The following OSBPL9 variants were observed in gnomAD, a reference collection of about 807,000 sequenced individuals.
The protein encoded by OSBPL9 is oxysterol binding protein like 9.
Under a neutral mutation model 106.6 loss-of-function variants are expected in OSBPL9, and 40 were observed. That is an observed-to-expected ratio of 0.38 (90% CI 0.29 to 0.49). OSBPL9 has a LOEUF of 0.49. Ranked by LOEUF, OSBPL9 falls within the 20% of genes least tolerant of loss-of-function variation. OSBPL9 has a pLI of 0.97. For synonymous variants in OSBPL9, 269 were observed against 295.4 expected (o/e 0.91, Z 0.92); for missense variants, 609 against 887.2 (o/e 0.69, Z 3.98).
At chr1:51,620,991 A>G (rs1196346930) in intron 1 of OSBPL9, among the ~76,000 whole-genome samples, 3 of 152,188 alleles carry the variant, frequency 2.0e-5, no homozygotes, top group Non-Finnish European at 4.4e-5. Flanking sequence ...GCCTCCCAGA[A>G]TGTTAGGATT....
At chr1:51,611,272 A>T (rs952794534) in intron 2 of OSBPL9, among the ~76,000 whole-genome samples, 3 of 151,896 alleles carry the variant, frequency 2.0e-5, no homozygotes, top group African/African-American at 4.8e-5. Flanking sequence ...GACTGTGAAC[A>T]AAACAGGCTA....
intron 3 of OSBPL9, among the ~76,000 whole-genome samples, chr1:51,681,999 C>T (rs993386277): frequency 1.1e-4 from 16 of 151,832 alleles, no homozygotes; most frequent in African/African-American, 3.9e-4. Context: ...GTCAGGAGTT[C>T]GAAACCAGCC....
chr1:51,670,664 CTG>C (rs1473501812), intron 3 of OSBPL9, among the ~76,000 whole-genome samples: 12 of 152,166 alleles, frequency 7.9e-5, no homozygotes, highest in African/African-American at 2.7e-4. Context: ...AAAATATTTA[CTG>C]TGTTTGATGA....
chr1:51,716,493 T>C (rs1212799053), intron 4 of OSBPL9, among the ~76,000 whole-genome samples: 1 of 152,210 alleles, frequency 6.6e-6, no homozygotes, highest in Non-Finnish European at 1.5e-5. Flanking sequence ...AAACTAATAT[T>C]GGATGAGAAC....
intron 2 of OSBPL9, among the ~76,000 whole-genome samples, chr1:51,605,757 C>T (rs998799509): frequency 4.6e-5 from 7 of 151,952 alleles, no homozygotes; most frequent in East Asian, 1.9e-4. Context: ...CTGAGGTGGA[C>T]GGATCACAAG....
chr1:51,535,309 T>C, the OSBPL9 span, among the ~76,000 whole-genome samples: 6 of 152,152 alleles, frequency 3.9e-5, no homozygotes, highest in Non-Finnish European at 7.4e-5. Context: ...ACAAAGGGCC[T>C]GAGGTGGAAA....
chr1:51,593,220 GAAAT>G (rs1400461013), intron 1 of OSBPL9, among the ~76,000 whole-genome samples: 1 of 152,038 alleles, frequency 6.6e-6, no homozygotes, highest in Non-Finnish European at 1.5e-5. Flanking sequence ...GAAATAAATG[GAAAT>G]AAATAAATAG....
intron 3 of OSBPL9, among the ~76,000 whole-genome samples, chr1:51,675,056 C>T (rs1650844099): frequency 6.6e-6 from 1 of 152,188 alleles, no homozygotes; most frequent in Admixed American, 6.5e-5. Context: ...GATAGCCAAA[C>T]CCTATAGCCT....
rs181764240 is a variant in OSBPL9, at chr1:51,755,299, A to G, written c.544-1021A>G. ...CAATGGTTTTTGTTATATTTACAAA[A>G]TTGTACAGCCATCACCATAATCTAA... On this transcript the variant is annotated intron_variant, in intron 8 of 23. Transcript: ENST00000428468. Among the ~76,000 whole-genome samples, 103 of 152,328 alleles carry G rather than the reference A, an allele frequency of 6.8e-4. 1 individual carries two copies. The highest frequency in any genetic ancestry group is 1.0e-4 in the Non-Finnish European group (7 of 68,034).
chr1:51,607,746 A>G (rs778030230), intron 2 of OSBPL9, among the ~76,000 whole-genome samples: 20 of 152,232 alleles, frequency 1.3e-4, no homozygotes, highest in Admixed American at 2.6e-4. Flanking sequence ...AGCAAGCTCA[A>G]TTCTCACCTC....
At chr1:51,773,941 C>CGTTGTTGTTGTT (rs3835387) in intron 14 of OSBPL9, among the ~76,000 whole-genome samples, 64 of 149,084 alleles carry the variant, frequency 4.3e-4, no homozygotes, top group African/African-American at 1.5e-3. Context: ...CAGCTGCTGG[C>CGTTGTTGTTGTT]GTTGTTGTTG....
chr1:51,687,875 G>A (rs1372914181), intron 3 of OSBPL9, among the ~76,000 whole-genome samples: 1 of 152,236 alleles, frequency 6.6e-6, no homozygotes, highest in African/African-American at 2.4e-5. Context: ...GGAACACTAG[G>A]AACCAGAGTG....
intron 4 of OSBPL9, chr1:51,730,098 C>T (rs1408248689): frequency 4.8e-6 from 6 of 1,255,964 alleles, no homozygotes; most frequent in Non-Finnish European, 3.0e-6. Flanking sequence ...TCGTGCTCAC[C>T]CTGCCTCCTT....
intron 4 of OSBPL9, among the ~76,000 whole-genome samples, chr1:51,738,688 T>G (rs980096078): frequency 6.6e-6 from 1 of 152,048 alleles, no homozygotes; most frequent in African/African-American, 2.4e-5. Context: ...GTTCATCAAC[T>G]TATAGCTTGT....
intron 4 of OSBPL9, among the ~76,000 whole-genome samples, chr1:51,734,308 C>T (rs887927282): frequency 6.6e-6 from 1 of 152,106 alleles, no homozygotes; most frequent in Non-Finnish European, 1.5e-5. Context: ...CTGCTTACTC[C>T]GTTGTTTCTT....
intron 4 of OSBPL9, chr1:51,745,179 AC>A (rs1667730647): frequency 5.4e-6 from 1 of 184,052 alleles, no homozygotes; most frequent in Admixed American, 5.5e-5. Context: ...AATAGAAGTA[AC>A]CTAGGTGGGT....
At chr1:51,786,148 A>G (rs898786601) in intron 21 of OSBPL9, 1 of 486,014 alleles carries the variant, frequency 2.1e-6, no homozygotes, top group Non-Finnish European at 3.6e-6. Flanking sequence ...AGAATAATAT[A>G]TGTAAAACAA....
the OSBPL9 span, among the ~76,000 whole-genome samples, chr1:51,544,995 T>C: frequency 6.6e-6 from 1 of 151,798 alleles, no homozygotes; most frequent in African/African-American, 2.4e-5. Flanking sequence ...AGGTGCCCAC[T>C]ACCACTCCTG....
the OSBPL9 span, among the ~76,000 whole-genome samples, chr1:51,524,529 A>AGATAAGCATT: frequency 2.0e-5 from 3 of 152,260 alleles, no homozygotes; most frequent in Non-Finnish European, 4.4e-5. Flanking sequence ...AGCAGAAACT[A>AGATAAGCATT]GATAAGCATT....
Sources: allele counts gnomAD v4.1 joint callset (sites outside exome capture counted in the v4.1 genomes callset), GRCh38; gene constraint gnomAD v4.1.1; transcripts MANE v1.5; gene names NCBI Gene and HGNC (gene_info 2026-07-23, HGNC 2026-07-21).